The following FALEC variants were observed in gnomAD, a reference collection of about 807,000 sequenced individuals.
FALEC encodes focally amplified lncRNA on chromosome 1.
At chr1:150,526,546 T>TTAGTCTTGCTCTGTTGC in the FALEC span, among the ~76,000 whole-genome samples, 1 of 151,412 alleles carries the variant, frequency 6.6e-6, no homozygotes, top group African/African-American at 2.4e-5. Flanking sequence ...TTTTTGATTC[T>TTAGTCTTGCTCTGTTGC]CCTGCCTCAG....
the FALEC span, among the ~76,000 whole-genome samples, chr1:150,525,855 C>A: frequency 1.3e-5 from 2 of 152,148 alleles, no homozygotes; most frequent in Non-Finnish European, 2.9e-5. Context: ...ATTGCCCAGG[C>A]TGGTGTCAAC....
the FALEC span, among the ~76,000 whole-genome samples, chr1:150,531,054 C>G: frequency 6.6e-6 from 1 of 152,158 alleles, no homozygotes; most frequent in Non-Finnish European, 1.5e-5. Flanking sequence ...GTAGAGAGCT[C>G]TTGAACAAAG....
chr1:150,525,375 G>A, the FALEC span, among the ~76,000 whole-genome samples: 1 of 152,160 alleles, frequency 6.6e-6, no homozygotes, highest in Admixed American at 6.6e-5. Context: ...TGAGGTGGGA[G>A]GATCGCTTGA....
the FALEC span, among the ~76,000 whole-genome samples, chr1:150,526,128 T>A: frequency 1.3e-5 from 2 of 151,928 alleles, no homozygotes; most frequent in Non-Finnish European, 2.9e-5. Context: ...TTTGGGAGGC[T>A]GAGGCGGGCG....
At chr1:150,516,456 A>G (rs748457771) in intron 1 of FALEC, among the ~76,000 whole-genome samples, 12 of 152,172 alleles carry the variant, frequency 7.9e-5, no homozygotes, top group Non-Finnish European at 1.8e-4. Context: ...AGTGCTGAAT[A>G]TGAGGAGGTA....
At chr1:150,529,036 A>AAAAAAAAAAAAAAAG in the FALEC span, among the ~76,000 whole-genome samples, 1 of 150,998 alleles carries the variant, frequency 6.6e-6, no homozygotes, top group Non-Finnish European at 1.5e-5. Flanking sequence ...AAAAAAAAAA[A>AAAAAAAAAAAAAAAG]AAATCAAAGG....
the FALEC span, among the ~76,000 whole-genome samples, chr1:150,531,257 G>A: frequency 6.6e-6 from 1 of 152,222 alleles, no homozygotes; most frequent in Non-Finnish European, 1.5e-5. Context: ...CACTTTGGGA[G>A]GCCGAGGTGG....
chr1:150,536,530 G>A, the FALEC span, among the ~76,000 whole-genome samples: 17 of 152,152 alleles, frequency 1.1e-4, no homozygotes, highest in Non-Finnish European at 2.1e-4. Context: ...AGTGGCTCAC[G>A]CCTATCTTCA....
chr1:150,522,253 AAAAAAAAG>A (rs964742448), downstream of FALEC, among the ~76,000 whole-genome samples: 14 of 151,338 alleles, frequency 9.3e-5, no homozygotes, highest in South Asian at 6.2e-4. Context: ...TCAAAAAAAA[AAAAAAAAG>A]AAAGAAAGAA....
At chr1:150,522,856 T>TATACATATATATACAC (rs1462943689), downstream of FALEC, among the ~76,000 whole-genome samples, 59 of 116,826 alleles carry the variant, frequency 5.1e-4, 1 homozygote, top group Middle Eastern at 4.1e-3. Flanking sequence ...TCTCTCTATA[T>TATACATATATATACAC]ATATATATAC....
chr1:150,526,465 C>T, the FALEC span, among the ~76,000 whole-genome samples: 1 of 151,524 alleles, frequency 6.6e-6, no homozygotes, highest in Admixed American at 6.6e-5. Flanking sequence ...TTCCAAGTTG[C>T]TGGGAGTACA....
chr1:150,534,676 T>C, the FALEC span, among the ~76,000 whole-genome samples: 1 of 151,880 alleles, frequency 6.6e-6, no homozygotes, highest in Non-Finnish European at 1.5e-5. Context: ...ACCCCGTCTG[T>C]ACTAAAAATA....
the FALEC span, among the ~76,000 whole-genome samples, chr1:150,526,139 G>A: frequency 6.6e-6 from 1 of 152,032 alleles, no homozygotes; most frequent in Non-Finnish European, 1.5e-5. Flanking sequence ...GAGGCGGGCG[G>A]ATCACGAGGT....
chr1:150,524,911 C>T, the FALEC span, among the ~76,000 whole-genome samples: 1 of 149,198 alleles, frequency 6.7e-6, no homozygotes, highest in Admixed American at 6.8e-5. Flanking sequence ...GAGGGGATCT[C>T]TTGAGCCCAG....
At chr1:150,526,145 G>A in the FALEC span, among the ~76,000 whole-genome samples, 3 of 151,734 alleles carry the variant, frequency 2.0e-5, no homozygotes, top group Admixed American at 6.6e-5. Context: ...GGCGGATCAC[G>A]AGGTCAGGAG....
At chr1:150,531,424 G>A in the FALEC span, among the ~76,000 whole-genome samples, 1 of 152,058 alleles carries the variant, frequency 6.6e-6, no homozygotes, top group South Asian at 2.1e-4. Context: ...GCCGTGAGCC[G>A]GGATCTCGCC....
downstream of FALEC, among the ~76,000 whole-genome samples, chr1:150,518,727 G>A (rs759109801): frequency 2.6e-5 from 4 of 151,952 alleles, no homozygotes; most frequent in Non-Finnish European, 5.9e-5. Flanking sequence ...TTATAAGTCA[G>A]TACATAAGGC....
At chr1:150,522,856 T>TATATATACATATATATAC (rs1553907905), downstream of FALEC, among the ~76,000 whole-genome samples, 3 of 116,826 alleles carry the variant, frequency 2.6e-5, no homozygotes, top group Non-Finnish European at 3.6e-5. Context: ...TCTCTCTATA[T>TATATATACATATATATAC]ATATATATAC....
chr1:150,522,926 C>A (rs9730105), downstream of FALEC, among the ~76,000 whole-genome samples: 3 of 42,284 alleles, frequency 7.1e-5, no homozygotes, highest in African/African-American at 1.2e-4. Context: ...TATATATATA[C>A]ATATATATGT....
Sources: gnomAD v4.1 joint callset for allele counts (sites outside exome capture counted in the v4.1 genomes callset) on GRCh38, gnomAD v4.1.1 for gene constraint, MANE v1.5 for transcripts, NCBI Gene and HGNC (gene_info 2026-07-23, HGNC 2026-07-21) for gene names.